ACOT11: variants seen among roughly 807,000 people sequenced by gnomAD.
The protein encoded by ACOT11 is acyl-coenzyme A thioesterase 11.
In ACOT11, 69 loss-of-function variants were observed where a neutral mutation model predicts 77.5. The observed-to-expected ratio is 0.89, with a 90% confidence interval of 0.73 to 1.09. ACOT11 has a LOEUF of 1.09. Ranked by LOEUF, ACOT11 falls within the 50% of genes least tolerant of loss-of-function variation. The pLI is 0.00. For synonymous variants in ACOT11, 279 were observed against 313.0 expected (o/e 0.89, Z 1.15); for missense variants, 766 against 813.7 (o/e 0.94, Z 0.71).
chr1:54,574,321 C>T (rs1654027230), intron 1 of ACOT11, among the ~76,000 whole-genome samples: 1 of 152,218 alleles, frequency 6.6e-6, no homozygotes, highest in African/African-American at 2.4e-5. Context: ...TCTGCTCACA[C>T]TCTGCAGCCC....
At chr1:54,610,371 C>T (rs1357945684), downstream of ACOT11, 2 of 1,602,050 alleles carry the variant, frequency 1.2e-6, no homozygotes. Context: ...GACACCCCTG[C>T]AGATGAGCTG....
In ACOT11 at chr1:54,594,610, G is replaced by A. The variant is rs1206425304; in HGVS notation, c.526G>A (p.Val176Met). 1 of 1,614,078 alleles carries A rather than the reference G, an allele frequency of 6.2e-7. No individual in the cohort carries two copies. Among genetic ancestry groups the A allele is most frequent in the Admixed American group, 1.7e-5 (1 of 60,032 alleles). ...AGAAGAGGAGAAGATGGAGCACAGTGTGGCGGCTGAGCGCCGGCGCATGCG... is the reference window on the plus strand; with the variant it reads ...AGAAGAGGAGAAGATGGAGCACAGTATGGCGGCTGAGCGCCGGCGCATGCG... ...RTEEEKMEHS[V>M]AAERRRMRLV... is the part of the protein sequence containing the mutation. Residue 176 changes from valine (V) to methionine (M), a missense_variant, in exon 6 of 16, where the codon GTG becomes ATG. Coordinates refer to ENST00000343744, the MANE Select transcript of ACOT11 (RefSeq NM_147161.4).
chr1:54,562,269 T>C (rs1264405708), intron 1 of ACOT11, among the ~76,000 whole-genome samples: 2 of 110,642 alleles, frequency 1.8e-5, no homozygotes, highest in African/African-American at 4.1e-5. Context: ...GGCGGGGGGC[T>C]GACCCCCCAC....
At chr1:54,582,928 C>T (rs571214707) in intron 1 of ACOT11, among the ~76,000 whole-genome samples, 2 of 152,114 alleles carry the variant, frequency 1.3e-5, no homozygotes, top group African/African-American at 4.8e-5. Flanking sequence ...TCCCAATACC[C>T]CTGGCTATGG....
chr1:54,578,112 T>C (rs1365388848), intron 1 of ACOT11, among the ~76,000 whole-genome samples: 1 of 152,198 alleles, frequency 6.6e-6, no homozygotes, highest in African/African-American at 2.4e-5. Flanking sequence ...AGTGAGGCTG[T>C]CACATATGCA....
At chr1:54,572,625 T>A (rs1479152521) in intron 1 of ACOT11, among the ~76,000 whole-genome samples, 2 of 152,218 alleles carry the variant, frequency 1.3e-5, no homozygotes, top group Non-Finnish European at 2.9e-5. Context: ...AGACTCAGAC[T>A]GCCTGTGTTC....
intron 1 of ACOT11, among the ~76,000 whole-genome samples, chr1:54,564,263 TA>T (rs1337427403): frequency 1.3e-5 from 2 of 151,364 alleles, no homozygotes; most frequent in African/African-American, 2.4e-5. Context: ...AAAAATAAAA[TA>T]AAAAAAGAAA....
At chr1:54,633,451 T>G (rs1013856884) in intron 16 of ACOT11, among the ~76,000 whole-genome samples, 1 of 152,238 alleles carries the variant, frequency 6.6e-6, no homozygotes, top group African/African-American at 2.4e-5. Flanking sequence ...TCCAAAAAAT[T>G]GGCCTTTTAA....
At chr1:54,626,938 A>G (rs1569813174) in intron 15 of ACOT11, among the ~76,000 whole-genome samples, 1 of 133,698 alleles carries the variant, frequency 7.5e-6, no homozygotes, top group East Asian at 2.3e-4. Flanking sequence ...GCTCACTGTG[A>G]CCTCTGCCCC....
At chr1:54,563,144 ACT>A (rs1381409329) in intron 1 of ACOT11, among the ~76,000 whole-genome samples, 1 of 152,102 alleles carries the variant, frequency 6.6e-6, no homozygotes, top group Non-Finnish European at 1.5e-5. Flanking sequence ...GGCGGCAAAG[ACT>A]CTGATTTTTT....
chr1:54,634,231 A>G (rs571374973), intron 16 of ACOT11, among the ~76,000 whole-genome samples: 13 of 152,364 alleles, frequency 8.5e-5, no homozygotes, highest in Admixed American at 3.9e-4. Flanking sequence ...AAATGAAGCT[A>G]TTTCAGTTTT....
chr1:54,550,944 A>G (rs1653043245), intron 1 of ACOT11, among the ~76,000 whole-genome samples: 1 of 151,986 alleles, frequency 6.6e-6, no homozygotes, highest in African/African-American at 2.4e-5. Context: ...GTTCGAGACC[A>G]GCTCGGCCAA....
downstream of ACOT11, among the ~76,000 whole-genome samples, chr1:54,611,306 A>G (rs1297709632): frequency 6.6e-6 from 1 of 152,156 alleles, no homozygotes; most frequent in Non-Finnish European, 1.5e-5. Context: ...ATGGTGGCGC[A>G]GGAGAATCGC....
chr1:54,604,985 C>A, intron 12 of ACOT11, 91 bp from the exon 13 acceptor site: 1 of 1,398,314 alleles, frequency 7.2e-7, no homozygotes, highest in Non-Finnish European at 9.8e-7. Context: ...AGCAAGTCAG[C>A]TGTAGCCCTG....
At chr1:54,568,848 G>C (rs1175665937) in intron 1 of ACOT11, among the ~76,000 whole-genome samples, 4 of 152,142 alleles carry the variant, frequency 2.6e-5, no homozygotes, top group Non-Finnish European at 5.9e-5. Flanking sequence ...CCTGGCTCAA[G>C]TGATCCTCCC....
intron 16 of ACOT11, chr1:54,634,591 G>A: frequency 1.5e-6 from 1 of 680,078 alleles, no homozygotes. Context: ...ATACACAATT[G>A]AATCTAGCAT....
At chr1:54,608,108 C>T (rs1272559728) in intron 15 of ACOT11, 40 bp downstream of exon 15, 1 of 1,586,698 alleles carries the variant, frequency 6.3e-7, no homozygotes, top group African/African-American at 1.3e-5. Flanking sequence ...AGCCTGGCTC[C>T]ACCCCAACAC....
exon 17 of ACOT11, chr1:54,634,808 C>T (rs1398385211): frequency 2.9e-6 from 2 of 681,332 alleles, no homozygotes; most frequent in African/African-American, 1.8e-5. Context: ...CACGTAGAGA[C>T]TGACGCTGAG....
chr1:54,601,189 G>T (rs1472863538), intron 8 of ACOT11, 80 bp from the exon 9 acceptor site: 1 of 1,526,948 alleles, frequency 6.5e-7, no homozygotes, highest in African/African-American at 1.4e-5. Flanking sequence ...GCATGTGTGT[G>T]TGTGAGTGTG....
Sources: allele counts gnomAD v4.1 joint callset (sites outside exome capture counted in the v4.1 genomes callset), GRCh38; gene constraint gnomAD v4.1.1; transcripts MANE v1.5; gene names NCBI Gene and HGNC (gene_info 2026-07-23, HGNC 2026-07-21).